ABCA4: variants seen among roughly 807,000 people sequenced by gnomAD.
The protein encoded by ABCA4 is ATP binding cassette subfamily A member 4, also known as retinal-specific phospholipid-transporting ATPase ABCA4.
ABCA4 carries 196 observed loss-of-function variants against 263.7 expected under a neutral mutation model. That is an observed-to-expected ratio of 0.74 (90% CI 0.66 to 0.84). The LOEUF (loss-of-function observed/expected upper bound fraction) is 0.84. Ranked by LOEUF, ABCA4 falls within the 40% of genes least tolerant of loss-of-function variation. The pLI, the probability that ABCA4 is intolerant of heterozygous loss-of-function variation, is 0.00. For missense variants in ABCA4, 2,792 were observed against 2,855.1 expected (o/e 0.98, Z 0.50); for synonymous variants, 1,133 against 1,094.2 (o/e 1.04, Z -0.70).
chr1:94,046,277 TACTAA>T (rs1478023631), intron 19 of ABCA4, among the ~76,000 whole-genome samples: 2 of 92,442 alleles, frequency 2.2e-5, no homozygotes, highest in African/African-American at 7.4e-5. Context: ...ACCCTGTCTG[TACTAA>T]AAAAAAAAAA....
chr1:94,008,199 C>G (rs760190746), intron 42 of ABCA4, 36 bp downstream of exon 42: 3 of 1,603,646 alleles, frequency 1.9e-6, no homozygotes. Context: ...AGCTGATGTT[C>G]GGAAGCCTTT....
chr1:94,032,150 T>G (rs897481604), intron 26 of ABCA4, 107 bp from the exon 27 acceptor site: 17 of 1,383,524 alleles, frequency 1.2e-5, no homozygotes, highest in Non-Finnish European at 1.6e-5. Context: ...TTCATTTAAG[T>G]CAGCAATGAA....
intron 3 of ABCA4, among the ~76,000 whole-genome samples, chr1:94,109,585 G>A (rs1239484229): frequency 6.6e-6 from 1 of 152,184 alleles, no homozygotes; most frequent in Non-Finnish European, 1.5e-5. Context: ...ATGAACAATG[G>A]CAGCCCAGGC....
At chr1:94,032,470 CTACAAAAA>C (rs1290972744) in intron 26 of ABCA4, among the ~76,000 whole-genome samples, 1 of 152,142 alleles carries the variant, frequency 6.6e-6, no homozygotes, top group Non-Finnish European at 1.5e-5. Flanking sequence ...AACCCCCTCT[CTACAAAAA>C]TACAAAAATT....
intron 16 of ABCA4, among the ~76,000 whole-genome samples, chr1:94,054,446 G>A (rs1249482091): frequency 6.6e-6 from 1 of 151,114 alleles, no homozygotes; most frequent in Non-Finnish European, 1.5e-5. Flanking sequence ...CTTCAGTCTG[G>A]AAAGATCCCT....
intron 48 of ABCA4, among the ~76,000 whole-genome samples, chr1:93,997,068 G>A (rs941000538): frequency 1.3e-5 from 2 of 152,184 alleles, no homozygotes; most frequent in Non-Finnish European, 2.9e-5. Flanking sequence ...CGGGGATGGT[G>A]GTAACGGTTG....
chr1:94,024,467 C>T (rs1353874594), intron 31 of ABCA4, among the ~76,000 whole-genome samples: 2 of 152,180 alleles, frequency 1.3e-5, no homozygotes, highest in African/African-American at 2.4e-5. Flanking sequence ...TGACCTGGCT[C>T]GCCCTGGCGT....
At chr1:94,002,995 T>TCA (rs143288749) in intron 44 of ABCA4, among the ~76,000 whole-genome samples, 19,333 of 152,116 alleles carry the variant, frequency 0.13, 2,032 homozygotes, top group African/African-American at 0.29. Flanking sequence ...CCCTTCTCTC[T>TCA]CTCACACACA....
At chr1:94,014,805 G>C in intron 37 of ABCA4, 115 bp from the exon 38 acceptor site, 1 of 1,326,614 alleles carries the variant, frequency 7.5e-7, no homozygotes, top group Non-Finnish European at 1.1e-6. Flanking sequence ...GAACTGGCCA[G>C]AGTCCCAGGG....
chr1:94,008,679 A>G (rs1381167590), intron 41 of ABCA4, 72 bp downstream of exon 41: 1 of 1,606,240 alleles, frequency 6.2e-7, no homozygotes, highest in Non-Finnish European at 8.5e-7. Context: ...ATTGTTCTAT[A>G]GAAGGAAAAT....
At chr1:94,077,930 C>T (rs530720859) in intron 10 of ABCA4, 43 bp from the exon 11 acceptor site, 1 of 1,573,130 alleles carries the variant, frequency 6.4e-7, no homozygotes, top group East Asian at 2.2e-5. Flanking sequence ...TTAGAAATTC[C>T]ATAGGATCTT....
chr1:94,051,289 T>C (rs1331278965), intron 17 of ABCA4, among the ~76,000 whole-genome samples: 2 of 152,214 alleles, frequency 1.3e-5, no homozygotes, highest in African/African-American at 4.8e-5. Flanking sequence ...TCCTTCATGA[T>C]TCCCTGGATT....
At chr1:94,085,105 A>G (rs1252456025) in intron 6 of ABCA4, among the ~76,000 whole-genome samples, 5 of 152,226 alleles carry the variant, frequency 3.3e-5, no homozygotes, top group Admixed American at 3.3e-4. Context: ...TTATTAAGAC[A>G]TTATGATAAA....
intron 26 of ABCA4, among the ~76,000 whole-genome samples, chr1:94,033,757 G>A (rs924415719): frequency 2.0e-5 from 3 of 151,840 alleles, no homozygotes; most frequent in African/African-American, 7.3e-5. Context: ...AAGGCTGGGT[G>A]GCAGCCCCAG....
chr1:94,008,437 G>T, intron 41 of ABCA4, 140 bp from the exon 42 acceptor site: 2 of 882,170 alleles, frequency 2.3e-6, no homozygotes, highest in East Asian at 2.5e-5. Context: ...CAGGCACAGA[G>T]GTGTGGTGAG....
chr1:93,998,671 C>T (rs763935182), intron 47 of ABCA4, among the ~76,000 whole-genome samples: 25 of 150,802 alleles, frequency 1.7e-4, no homozygotes, highest in East Asian at 3.9e-4. Flanking sequence ...GTGGGATAAT[C>T]GTACTTGCTG....
intron 11 of ABCA4, among the ~76,000 whole-genome samples, chr1:94,064,453 G>T (rs569662769): frequency 6.6e-6 from 1 of 152,186 alleles, no homozygotes; most frequent in African/African-American, 2.4e-5. Flanking sequence ...GGAATTAGCC[G>T]AGGAGAGGAA....
At position 93,997,938 on chromosome 1, in the gene ABCA4, T is replaced by G. The variant is rs746382656; in HGVS notation, c.6652A>C (p.Ile2218Leu). ...FQVSSSSLAR[I>L]FQLLLSHKDS... Reference sequence around the variant, plus strand: ...TTGTGGGAGAGGAGGAGCTGGAAGATCCTCGCCAGGGAGGAGGAGGAGACC... The same window carrying G: ...TTGTGGGAGAGGAGGAGCTGGAAGAGCCTCGCCAGGGAGGAGGAGGAGACC... The change falls in exon 48 of 50, where the codon ATC (isoleucine) becomes CTC (leucine). Residue 2218 changes from isoleucine to leucine, a missense_variant. Ile to Leu is a conservative substitution (Grantham distance 5). Transcript: ENST00000370225. The G allele has an allele frequency of 1.2e-6, 2 of 1,614,082 alleles. No homozygotes were observed. Among genetic ancestry groups the G allele is most frequent in the South Asian group, 2.2e-5 (2 of 91,068 alleles).
In ABCA4 at chr1:94,044,731, C is replaced by A. The variant is rs61749452; in HGVS notation, c.2932G>T (p.Gly978Cys). 2 of 1,614,200 alleles carry A rather than the reference C, an allele frequency of 1.2e-6. No individual in the cohort carries two copies. Among genetic ancestry groups the A allele is most frequent in the Non-Finnish European group, 1.7e-6 (2 of 1,180,028 alleles). Residue 978 changes from glycine (G) to cysteine (C), a missense_variant, in exon 20 of 50, where the codon GGT (glycine) becomes TGT (cysteine). Gly to Cys is a radical substitution (Grantham distance 159). Coordinates refer to ENST00000370225, the MANE Select transcript of ABCA4 (RefSeq NM_000350.3). ...GTCCCAGAGGTTGGTGGCAACAGAC[C>A]CGTCAGGATGGACCTGCAGAACACA... ...GKTTTLSILT[G>C]LLPPTSGTVL...
Sources: gnomAD v4.1 joint callset for allele counts (sites outside exome capture counted in the v4.1 genomes callset) on GRCh38, gnomAD v4.1.1 for gene constraint, MANE v1.5 for transcripts, NCBI Gene and HGNC (gene_info 2026-07-23, HGNC 2026-07-21) for gene names.